Variants in HEMK2 observed in about 807,000 individuals in gnomAD.
HEMK2 encodes the protein methyltransferase HEMK2.
At chr21:28,823,006 G>A in the HEMK2 span, among the ~76,000 whole-genome samples, 1 of 152,090 alleles carries the variant, frequency 6.6e-6, no homozygotes, top group Non-Finnish European at 1.5e-5. Flanking sequence ...TCATGTGGCT[G>A]GAATGTTGGC....
chr21:28,607,480 C>A, the HEMK2 span, among the ~76,000 whole-genome samples: 1 of 152,096 alleles, frequency 6.6e-6, no homozygotes. Flanking sequence ...GGAAAACTGG[C>A]GTCATCATTG....
the HEMK2 span, among the ~76,000 whole-genome samples, chr21:28,796,428 C>T: frequency 6.6e-6 from 1 of 152,328 alleles, no homozygotes; most frequent in South Asian, 2.1e-4. Context: ...GCGTGAGCCA[C>T]GACACCCAGC....
the HEMK2 span, among the ~76,000 whole-genome samples, chr21:28,853,735 G>A: frequency 1.3e-5 from 2 of 152,190 alleles, no homozygotes; most frequent in Non-Finnish European, 2.9e-5. Flanking sequence ...GAGCAGCATG[G>A]GTTGGGGAGG....
the HEMK2 span, among the ~76,000 whole-genome samples, chr21:28,780,378 CGTGTT>C: frequency 1.5e-4 from 21 of 142,576 alleles, 4 homozygotes; most frequent in East Asian, 3.5e-3. Context: ...GGGGTTTCAC[CGTGTT>C]AGCCAGGATG....
At chr21:28,682,051 A>G in the HEMK2 span, among the ~76,000 whole-genome samples, 14 of 152,244 alleles carry the variant, frequency 9.2e-5, no homozygotes, top group South Asian at 1.7e-3. Flanking sequence ...ATTGACAAAT[A>G]GGATCTAATT....
chr21:28,856,429 G>A, the HEMK2 span, among the ~76,000 whole-genome samples: 1 of 151,270 alleles, frequency 6.6e-6, no homozygotes, highest in South Asian at 2.1e-4. Flanking sequence ...AAAAAAAAAA[G>A]AATAATAATA....
chr21:28,878,356 T>C, the HEMK2 span: 9 of 1,611,314 alleles, frequency 5.6e-6, no homozygotes, highest in Non-Finnish European at 7.6e-6. Context: ...AGAAAGAATG[T>C]TTTCTTTTAA....
At chr21:28,780,606 C>T in the HEMK2 span, among the ~76,000 whole-genome samples, 1 of 152,212 alleles carries the variant, frequency 6.6e-6, no homozygotes, top group Non-Finnish European at 1.5e-5. Flanking sequence ...CCACCGCGCC[C>T]AGCCAGACAA....
the HEMK2 span, among the ~76,000 whole-genome samples, chr21:28,769,997 C>T: frequency 1.3e-5 from 2 of 152,250 alleles, no homozygotes; most frequent in East Asian, 3.9e-4. Context: ...AGCCAGCACC[C>T]TCAGCATTGT....
the HEMK2 span, among the ~76,000 whole-genome samples, chr21:28,848,708 TA>T: frequency 6.6e-6 from 1 of 152,224 alleles, no homozygotes; most frequent in Non-Finnish European, 1.5e-5. Flanking sequence ...TGTGTTGTTA[TA>T]ACAGATTATG....
At chr21:28,768,790 A>G in the HEMK2 span, among the ~76,000 whole-genome samples, 1 of 151,982 alleles carries the variant, frequency 6.6e-6, no homozygotes, top group Non-Finnish European at 1.5e-5. Flanking sequence ...TGATGTGACT[A>G]TATTTGGACA....
the HEMK2 span, among the ~76,000 whole-genome samples, chr21:28,750,109 C>G: frequency 1.3e-5 from 2 of 152,084 alleles, no homozygotes; most frequent in Admixed American, 6.5e-5. Flanking sequence ...AGTAGACTAA[C>G]CAACAGTACT....
At chr21:28,802,489 A>G in the HEMK2 span, among the ~76,000 whole-genome samples, 1 of 152,182 alleles carries the variant, frequency 6.6e-6, no homozygotes, top group Non-Finnish European at 1.5e-5. Flanking sequence ...GCACTTTGGG[A>G]GGCCAAGGTG....
the HEMK2 span, among the ~76,000 whole-genome samples, chr21:28,831,455 A>AAAAGAACGAAAGAACG: frequency 7.0e-5 from 4 of 57,042 alleles, no homozygotes; most frequent in East Asian, 1.5e-3. Flanking sequence ...AAAAAGAAAG[A>AAAAGAACGAAAGAACG]AAAGAACGAA....
At chr21:28,632,930 T>C in the HEMK2 span, among the ~76,000 whole-genome samples, 1 of 152,204 alleles carries the variant, frequency 6.6e-6, no homozygotes, top group Non-Finnish European at 1.5e-5. Flanking sequence ...CTGCTGCAAG[T>C]GGCTTATTTC....
the HEMK2 span, among the ~76,000 whole-genome samples, chr21:28,785,042 C>A: frequency 6.6e-6 from 1 of 152,128 alleles, no homozygotes; most frequent in African/African-American, 2.4e-5. Flanking sequence ...ACGAACAACT[C>A]CAGATGCGCT....
the HEMK2 span, among the ~76,000 whole-genome samples, chr21:28,817,657 A>C: frequency 6.6e-6 from 1 of 152,248 alleles, no homozygotes; most frequent in Non-Finnish European, 1.5e-5. Context: ...TGAGAGTAGT[A>C]ATTATACCAT....
chr21:28,694,796 A>G, the HEMK2 span, among the ~76,000 whole-genome samples: 1 of 152,116 alleles, frequency 6.6e-6, no homozygotes, highest in African/African-American at 2.4e-5. Context: ...TTGGAGATCA[A>G]GGCCATCCTA....
the HEMK2 span, among the ~76,000 whole-genome samples, chr21:28,616,991 C>T: frequency 6.6e-6 from 1 of 152,174 alleles, no homozygotes; most frequent in Non-Finnish European, 1.5e-5. Context: ...TATGATAGAG[C>T]TTAGGCTCCA....
Sources: gnomAD v4.1 joint callset for allele counts (sites outside exome capture counted in the v4.1 genomes callset) on GRCh38, gnomAD v4.1.1 for gene constraint, MANE v1.5 for transcripts, NCBI Gene and HGNC (gene_info 2026-07-23, HGNC 2026-07-21) for gene names.